The following CEP170 variants were observed in gnomAD, a reference collection of about 807,000 sequenced individuals.
The protein encoded by CEP170 is centrosomal protein of 170 kDa.
In CEP170, 21 loss-of-function variants were observed where a neutral mutation model predicts 151.9. The observed-to-expected ratio is 0.14, with a 90% CI of 0.10 to 0.20. CEP170 has a LOEUF of 0.20. CEP170 is among the 10% of genes least tolerant of loss of function. CEP170 has a pLI of 1.00. For synonymous variants in CEP170, 356 were observed against 648.8 expected (o/e 0.55, Z 6.86); for missense variants, 964 against 1,892.9 (o/e 0.51, Z 9.11).
rs2060270958 is a variant in CEP170 at position 243,190,918 on chromosome 1, A to T, written c.1108+100T>A. 3 of 1,435,396 alleles carry T rather than the reference A, an allele frequency of 2.1e-6. No individual in the cohort carries two copies. The South Asian group carries it at 4.5e-5, about 22-fold the overall frequency. 88.9% of individuals were successfully genotyped at this position (1,435,396 alleles called of 1,614,324 possible). On this transcript the variant is annotated intron_variant, in intron 8 of 19. Transcript: ENST00000366542. Reference sequence around the variant, plus strand: ...AAATATAACCTTTGAAAAAAGCAGAATGTTTTCTACCATGTAAGTATCTAC... The same window carrying T: ...AAATATAACCTTTGAAAAAAGCAGATTGTTTTCTACCATGTAAGTATCTAC...
chr1:243,154,863 G>A (rs1453713413), intron 14 of CEP170, among the ~76,000 whole-genome samples: 1 of 152,130 alleles, frequency 6.6e-6, no homozygotes, highest in African/African-American at 2.4e-5. Context: ...GGGGTAGAGG[G>A]AGCTTGAGAG....
chr1:243,212,528 G>A (rs971818442), intron 3 of CEP170, among the ~76,000 whole-genome samples: 1 of 152,036 alleles, frequency 6.6e-6, no homozygotes, highest in Non-Finnish European at 1.5e-5. Context: ...CTGATATGTT[G>A]AAATTCTGCC....
intron 18 of CEP170, 75 bp downstream of exon 18, chr1:243,129,285 G>C (rs1472808372): frequency 1.9e-5 from 24 of 1,263,882 alleles, no homozygotes; most frequent in Non-Finnish European, 2.5e-5. Context: ...TCAACGAACA[G>C]CTCAAAAATA....
At chr1:243,159,900 T>C (rs1370087486) in intron 13 of CEP170, among the ~76,000 whole-genome samples, 1 of 151,704 alleles carries the variant, frequency 6.6e-6, no homozygotes, top group African/African-American at 2.4e-5. Flanking sequence ...GCAATTCTCC[T>C]GCCTCAGCCT....
chr1:243,141,596 G>A (rs886188187), intron 15 of CEP170, among the ~76,000 whole-genome samples: 12 of 152,200 alleles, frequency 7.9e-5, no homozygotes, highest in African/African-American at 2.9e-4. Context: ...TTACATTTCT[G>A]CCCCAAATCA....
At chr1:243,204,078 C>A (rs1032460092) in intron 4 of CEP170, among the ~76,000 whole-genome samples, 17 of 152,112 alleles carry the variant, frequency 1.1e-4, no homozygotes, top group Non-Finnish European at 8.8e-5. Context: ...CAAAAAAGCT[C>A]ATTTCCATTA....
intron 14 of CEP170, among the ~76,000 whole-genome samples, chr1:243,152,831 C>G (rs372501537): frequency 6.6e-6 from 1 of 152,092 alleles, no homozygotes; most frequent in African/African-American, 2.4e-5. Flanking sequence ...GTGCCTGGCC[C>G]GTTTTGTCTT....
intron 1 of CEP170, among the ~76,000 whole-genome samples, chr1:243,235,584 A>G (rs2064179912): frequency 6.6e-6 from 1 of 152,118 alleles, no homozygotes; most frequent in African/African-American, 2.4e-5. Context: ...ATCATCTGCC[A>G]TATACATTAT....
At chr1:243,248,409 A>T (rs2065622624) in intron 1 of CEP170, among the ~76,000 whole-genome samples, 2 of 152,036 alleles carry the variant, frequency 1.3e-5, no homozygotes, top group African/African-American at 4.8e-5. Flanking sequence ...CAATTCTTGG[A>T]TCTCTTCTCA....
chr1:243,221,083 G>T (rs2062763669), intron 3 of CEP170, among the ~76,000 whole-genome samples: 1 of 152,124 alleles, frequency 6.6e-6, no homozygotes, highest in South Asian at 2.1e-4. Context: ...GGAGTGCAGT[G>T]GCGCTGTCTC....
intron 8 of CEP170, among the ~76,000 whole-genome samples, chr1:243,190,112 A>C (rs2060213138): frequency 6.6e-6 from 1 of 152,226 alleles, no homozygotes; most frequent in Admixed American, 6.5e-5. Context: ...GAAATCGCCC[A>C]TTGTTTTCAA....
Position 243,164,911 on chromosome 1 carries a change from G to A in CEP170, c.3049C>T (p.Gln1017Ter), listed in dbSNP as rs749114644. 1 of 1,613,848 alleles carries A rather than the reference G, an allele frequency of 6.2e-7. No homozygotes were observed. The highest frequency in any genetic ancestry group is 8.5e-7 in the Non-Finnish European group (1 of 1,179,734). The change falls in exon 13 of 20, where the codon CAG becomes TAG. Residue 1017 changes from glutamine to a stop codon, truncating the protein, a stop_gained. Coordinates refer to ENST00000366542, the MANE Select transcript of CEP170 (RefSeq NM_014812.3). LOFTEE classifies it high-confidence loss of function. ...KFVQSSGRIR[Q>*]PSVDLTDDDQ... ...TCATCTGTTAAGTCTACTGAGGGCT[G>A]TCTTATTCTCCCACTGGACTGAACA...
intron 4 of CEP170, among the ~76,000 whole-genome samples, chr1:243,210,608 ATTTTTTTT>A (rs751388751): frequency 8.4e-4 from 57 of 67,960 alleles, no homozygotes; most frequent in African/African-American, 2.9e-3. Flanking sequence ...ATTTTTCGTA[ATTTTTTTT>A]TTTTTTTTTT....
intron 1 of CEP170, among the ~76,000 whole-genome samples, chr1:243,240,148 T>C (rs2064682635): frequency 6.6e-6 from 1 of 152,126 alleles, no homozygotes; most frequent in Non-Finnish European, 1.5e-5. Context: ...CTGTTTCTAC[T>C]ACAAATACGA....
chr1:243,192,322 C>T (rs2060354596), intron 7 of CEP170, among the ~76,000 whole-genome samples: 1 of 152,114 alleles, frequency 6.6e-6, no homozygotes, highest in South Asian at 2.1e-4. Flanking sequence ...GCAAGCAACT[C>T]TGGAACACTA....
intron 12 of CEP170, among the ~76,000 whole-genome samples, 167 bp from the exon 13 acceptor site, chr1:243,166,283 A>G (rs1035797325): frequency 1.3e-5 from 2 of 152,240 alleles, no homozygotes; most frequent in Non-Finnish European, 2.9e-5. Flanking sequence ...ATAAAGTGGT[A>G]TAATATTTGT....
At chr1:243,147,571 T>C (rs941172234) in intron 14 of CEP170, among the ~76,000 whole-genome samples, 7 of 152,184 alleles carry the variant, frequency 4.6e-5, no homozygotes, top group Admixed American at 2.6e-4. Flanking sequence ...GGTAAAATAT[T>C]GTATAATGAA....
intron 13 of CEP170, among the ~76,000 whole-genome samples, chr1:243,163,776 G>T (rs2058246485): frequency 6.6e-6 from 1 of 152,028 alleles, no homozygotes; most frequent in South Asian, 2.1e-4. Flanking sequence ...ATTTCAAAAT[G>T]GGTAGGGAAA....
chr1:243,241,404 A>G (rs1190077438), intron 1 of CEP170, among the ~76,000 whole-genome samples: 2 of 152,250 alleles, frequency 1.3e-5, no homozygotes, highest in Non-Finnish European at 2.9e-5. Context: ...TTAAAACATG[A>G]TAAGAATGCT....
Sources: allele counts gnomAD v4.1 joint callset (sites outside exome capture counted in the v4.1 genomes callset), GRCh38; gene constraint gnomAD v4.1.1; transcripts MANE v1.5; gene names NCBI Gene and HGNC (gene_info 2026-07-23, HGNC 2026-07-21).